Variants in GTSF1 observed in about 807,000 individuals in gnomAD.
The protein encoded by GTSF1 is gametocyte-specific factor 1.
A neutral mutation model predicts 28.9 loss-of-function variants in GTSF1; 11 were observed. The observed-to-expected ratio is 0.38, with a 90% confidence interval of 0.24 to 0.63. The LOEUF is 0.63. Ranked by LOEUF, GTSF1 falls within the 30% of genes least tolerant of loss-of-function variation. The probability of loss-of-function intolerance (pLI) is 0.56; values close to 1 mark genes in which losing one functional copy is unlikely to be tolerated. For missense variants in GTSF1, 146 were observed against 201.0 expected (o/e 0.73, Z 1.66); for synonymous variants, 69 against 65.6 (o/e 1.05, Z -0.25).
intron 8 of GTSF1, among the ~76,000 whole-genome samples, chr12:54,458,338 G>GTTAC (rs1445140111): frequency 6.6e-6 from 1 of 152,138 alleles, no homozygotes; most frequent in Non-Finnish European, 1.5e-5. Context: ...GATCGACAGT[G>GTTAC]TAAAACTCTT....
rs367671376 is a variant in GTSF1 at position 54,462,193 on chromosome 12, T to C, written c.329-21A>G. 12 of 1,581,580 alleles carry C rather than the reference T, an allele frequency of 7.6e-6. 1 individual carries two copies. The South Asian group carries it at 8.9e-5, about 12-fold the overall frequency. Reference sequence around the variant, plus strand: ...CAAATCTGTTAAAGGAAGCAAAACATAGTTTGTGGTACTACTAGATAAGAC... The same window carrying C: ...CAAATCTGTTAAAGGAAGCAAAACACAGTTTGTGGTACTACTAGATAAGAC... On this transcript the variant is annotated intron_variant, in intron 5 of 8. Transcript: ENST00000305879.
chr12:54,462,598 T>G, intron 5 of GTSF1, 44 bp downstream of exon 5: 299 of 1,474,698 alleles, frequency 2.0e-4, no homozygotes, highest in Middle Eastern at 3.5e-4. Flanking sequence ...GCAAATGACT[T>G]GAGATTTAGA....
At chr12:54,462,920 C>A (rs936669177) in intron 4 of GTSF1, among the ~76,000 whole-genome samples, 195 bp from the exon 5 acceptor site, 5 of 152,210 alleles carry the variant, frequency 3.3e-5, no homozygotes, top group African/African-American at 1.2e-4. Context: ...AAAATGTTTA[C>A]CATATTTATG....
At position 54,462,631 on chromosome 12, in the gene GTSF1, A is replaced by C; in HGVS notation, c.328+11T>G. ...AGACATTGTGAAGAAAAAGATGTAG[A>C]GGCAGCTCACCTTTATCCCAGTCTT... On this transcript the variant is annotated intron_variant, in intron 5 of 8. Coordinates refer to ENST00000305879, the MANE Select transcript of GTSF1 (RefSeq NM_144594.3). The C allele has an allele frequency of 3.7e-6, 6 of 1,600,930 alleles. No homozygotes were observed. The highest frequency in any genetic ancestry group is 4.3e-6 in the Non-Finnish European group (5 of 1,169,910).
intron 7 of GTSF1, chr12:54,459,393 C>T (rs1956385296): frequency 7.2e-7 from 1 of 1,386,868 alleles, no homozygotes; most frequent in Non-Finnish European, 9.5e-7. Flanking sequence ...AAAGTGAATC[C>T]TCTAGCCACC....
At position 54,465,134 on chromosome 12, in the gene GTSF1, C is replaced by T; in HGVS notation, c.50G>A (p.Cys17Tyr). 1 of 1,613,394 alleles carries T rather than the reference C, an allele frequency of 6.2e-7. No homozygotes were observed. The highest frequency in any genetic ancestry group is 8.5e-7 in the Non-Finnish European group (1 of 1,179,514). The change falls in exon 3 of 9, where the codon TGC (cysteine) becomes TAC (tyrosine). Residue 17 changes from cysteine (C) to tyrosine (Y), a missense_variant. Cys to Tyr is a radical substitution (Grantham distance 194, BLOSUM62 -2). Coordinates refer to ENST00000305879, the MANE Select transcript of GTSF1 (RefSeq NM_144594.3). ...GATTTGATGGTTTTTGTCATAGGGGCATTGCAATAGCTTCTCAGGGTCCAG... is the reference window on the plus strand; with the variant it reads ...GATTTGATGGTTTTTGTCATAGGGGTATTGCAATAGCTTCTCAGGGTCCAG... ...DSLDPEKLLQ[C>Y]PYDKNHQIRA...
intron 2 of GTSF1, chr12:54,466,921 T>C (rs1234066935): frequency 2.0e-5 from 3 of 150,744 alleles, no homozygotes; most frequent in Non-Finnish European, 4.4e-5. Context: ...GTTCGAGCGA[T>C]TCTTGTGCCT....
At chr12:54,459,022 T>C (rs1956377679) in intron 8 of GTSF1, 67 bp downstream of exon 8, 26 of 1,107,424 alleles carry the variant, frequency 2.3e-5, no homozygotes, top group Non-Finnish European at 3.3e-5. Flanking sequence ...TGGACCCAAA[T>C]TGCTTTATGT....
rs752339251 is a variant in GTSF1 at position 54,465,152 on chromosome 12, G to C, written c.32C>G (p.Pro11Arg). MEETYTDSLD[P>R]EKLLQCPYDK... ...ATAGGGGCATTGCAATAGCTTCTCA[G>C]GGTCCAGGGAGTCGGCTGAAAGACA... Residue 11 changes from proline to arginine, a missense_variant, in exon 3 of 9, where the codon CCT becomes CGT. Physicochemically the swap from Pro to Arg is moderately radical, Grantham distance 103. Coordinates refer to ENST00000305879, the MANE Select transcript of GTSF1 (RefSeq NM_144594.3). 5.0e-6 allele frequency: 8 copies of C among 1,613,134 alleles called. No homozygotes were observed. Among genetic ancestry groups the C allele is most frequent in the South Asian group, 1.1e-5 (1 of 91,072 alleles).
chr12:54,465,250 C>A, intron 2 of GTSF1, 83 bp from the exon 3 acceptor site: 2 of 837,278 alleles, frequency 2.4e-6, no homozygotes, highest in East Asian at 2.5e-5. Flanking sequence ...TGGATTTTTT[C>A]AAGAGACTCT....
chr12:54,468,296 T>G (rs1956549392), intron 2 of GTSF1, among the ~76,000 whole-genome samples: 1 of 151,726 alleles, frequency 6.6e-6, no homozygotes, highest in South Asian at 2.1e-4. Flanking sequence ...ATTTTTTGTA[T>G]TTTTAGTAGA....
chr12:54,469,687 CAAA>C (rs375917825), intron 2 of GTSF1, among the ~76,000 whole-genome samples: 1 of 57,644 alleles, frequency 1.7e-5, no homozygotes, highest in Non-Finnish European at 3.3e-5. Context: ...GACTCCTTCT[CAAA>C]AAAAAAAAAA....
intron 7 of GTSF1, chr12:54,459,648 A>T: frequency 8.6e-6 from 2 of 231,258 alleles, no homozygotes; most frequent in Non-Finnish European, 1.7e-5. Flanking sequence ...TATGACTTTC[A>T]TTTTCTCTCT....
intron 2 of GTSF1, among the ~76,000 whole-genome samples, chr12:54,467,420 T>C (rs1424337271): frequency 1.3e-5 from 2 of 151,748 alleles, no homozygotes; most frequent in Non-Finnish European, 2.9e-5. Flanking sequence ...GTTCATGTGG[T>C]TCTCCTGCCT....
chr12:54,465,738 A>T (rs542092331), intron 2 of GTSF1, among the ~76,000 whole-genome samples: 2 of 152,222 alleles, frequency 1.3e-5, no homozygotes, highest in East Asian at 3.9e-4. Context: ...GTATCCTGTG[A>T]CATGAAAAAA....
chr12:54,469,023 T>A (rs1327888131), intron 2 of GTSF1: 2 of 152,162 alleles, frequency 1.3e-5, no homozygotes, highest in Non-Finnish European at 2.9e-5. Context: ...TAGACAGTAG[T>A]ATGCTTCCAA....
chr12:54,462,192 A>G lies in GTSF1; in HGVS notation c.329-20T>C. 1.3e-6 allele frequency: 2 copies of G among 1,597,300 alleles called. No individual in the cohort carries two copies. Among genetic ancestry groups the G allele is most frequent in the African/African-American group, 2.7e-5 (2 of 74,654 alleles). ...ACAAATCTGTTAAAGGAAGCAAAAC[A>G]TAGTTTGTGGTACTACTAGATAAGA... is the stretch of plus-strand genomic sequence containing the variant. On this transcript the variant is annotated intron_variant, in intron 5 of 8. Coordinates refer to ENST00000305879, the MANE Select transcript of GTSF1 (RefSeq NM_144594.3).
intron 1 of GTSF1, chr12:54,472,616 C>T (rs915409849): frequency 6.6e-6 from 1 of 152,088 alleles, no homozygotes; most frequent in African/African-American, 2.4e-5. Flanking sequence ...CCATACGAAA[C>T]TTCTGAAAAT....
chr12:54,457,912 T>C lies in GTSF1; in HGVS notation c.*20+1177A>G, dbSNP rs188687775. Among the ~76,000 whole-genome samples the C allele has an allele frequency of 2.6e-5, 4 of 152,338 alleles. 1 individual carries two copies. The East Asian group carries it at 7.7e-4, about 29-fold the overall frequency. ...AGCAACTGATAAGTATTATTGTCTA[T>C]AGCTAAGGGATGTTAACTTTTAGCA... On this transcript the variant is annotated intron_variant, in intron 8 of 8. Coordinates refer to ENST00000305879, the MANE Select transcript of GTSF1 (RefSeq NM_144594.3).
Sources: allele counts gnomAD v4.1 joint callset (sites outside exome capture counted in the v4.1 genomes callset), GRCh38; gene constraint gnomAD v4.1.1; transcripts MANE v1.5; gene names NCBI Gene and HGNC (gene_info 2026-07-23, HGNC 2026-07-21).